PCSK6: variants seen among roughly 807,000 people sequenced by gnomAD.
PCSK6 encodes the protein proprotein convertase subtilisin/kexin type 6.
Under a neutral mutation model 123.3 loss-of-function variants are expected in PCSK6, and 85 were observed. The observed-to-expected ratio is 0.69, with a 90% confidence interval of 0.58 to 0.83. The LOEUF is 0.83. Ranked by LOEUF, PCSK6 falls within the 40% of genes least tolerant of loss-of-function variation. The pLI is 0.00. For synonymous variants in PCSK6, 508 were observed against 516.0 expected, an observed-to-expected ratio of 0.98 and a Z score of 0.21; for missense variants, 1,191 against 1,282.3, an observed-to-expected ratio of 0.93 and a Z score of 1.09.
chr15:101,348,639 C>T (rs980039918), intron 13 of PCSK6, among the ~76,000 whole-genome samples: 1 of 152,194 alleles, frequency 6.6e-6, no homozygotes, highest in Admixed American at 6.5e-5. Context: ...AATCCTGAAA[C>T]CTTTGAAACT....
intron 6 of PCSK6, among the ~76,000 whole-genome samples, chr15:101,425,787 C>T (rs74032874): frequency 7.9e-5 from 12 of 151,776 alleles, no homozygotes; most frequent in African/African-American, 2.4e-4. Context: ...AAGAGTTTGG[C>T]GATGAGTGTA....
chr15:101,449,411 C>T (rs1432264628), intron 1 of PCSK6, among the ~76,000 whole-genome samples: 1 of 151,718 alleles, frequency 6.6e-6, no homozygotes, highest in Non-Finnish European at 1.5e-5. Context: ...TGTATTCAGG[C>T]GTGTGTGTGT....
intron 6 of PCSK6, among the ~76,000 whole-genome samples, chr15:101,424,659 C>T (rs936199896): frequency 1.3e-5 from 2 of 152,136 alleles, no homozygotes; most frequent in Admixed American, 6.5e-5. Context: ...AAGTAGTTTG[C>T]GGTCAACTAC....
intron 17 of PCSK6, among the ~76,000 whole-genome samples, chr15:101,323,847 C>T (rs1448015034): frequency 6.6e-6 from 1 of 152,150 alleles, no homozygotes; most frequent in Admixed American, 6.5e-5. Flanking sequence ...GATCAATGAC[C>T]CATCCTGAGC....
chr15:101,338,719 G>A lies in PCSK6; in HGVS notation c.1859-6688C>T, dbSNP rs115801731. On this transcript the variant is annotated intron_variant, in intron 13 of 21. Transcript: ENST00000611716. Reference sequence around the variant, plus strand: ...GTTCCTTAGTTTCTAAAAGGAGGGGGTCTTAAAAGATGCCCAATCAAATTT... The same window carrying A: ...GTTCCTTAGTTTCTAAAAGGAGGGGATCTTAAAAGATGCCCAATCAAATTT... 5.5e-3 allele frequency among the ~76,000 whole-genome samples: 838 copies of A among 152,282 alleles called. 11 individuals carry two copies. Among genetic ancestry groups the A allele is most frequent in the African/African-American group, 0.019 (787 of 41,576 alleles).
intron 17 of PCSK6, among the ~76,000 whole-genome samples, chr15:101,323,908 C>G (rs2040190358): frequency 6.6e-6 from 1 of 152,146 alleles, no homozygotes; most frequent in South Asian, 2.1e-4. Flanking sequence ...CCTGGAAGAC[C>G]ACGAGTGCCA....
intron 11 of PCSK6, among the ~76,000 whole-genome samples, chr15:101,373,045 C>T (rs892407079): frequency 2.6e-5 from 4 of 152,150 alleles, no homozygotes; most frequent in Non-Finnish European, 5.9e-5. Context: ...TCACCTGCCC[C>T]GCCACTCTGA....
At chr15:101,308,604 C>A (rs983865996) in intron 20 of PCSK6, 1 of 152,094 alleles carries the variant, frequency 6.6e-6, no homozygotes, top group African/African-American at 2.4e-5. Flanking sequence ...ACCCCACAGG[C>A]AAACTCACAC....
intron 17 of PCSK6, among the ~76,000 whole-genome samples, chr15:101,323,568 T>C (rs2040180429): frequency 6.6e-6 from 1 of 151,974 alleles, no homozygotes; most frequent in African/African-American, 2.4e-5. Context: ...CCATCTCTAC[T>C]AAAAATACAA....
At chr15:101,449,469 T>C (rs2056977678) in intron 1 of PCSK6, among the ~76,000 whole-genome samples, 1 of 152,234 alleles carries the variant, frequency 6.6e-6, no homozygotes, top group African/African-American at 2.4e-5. Context: ...TGTGTGTTTA[T>C]GTAAGGTTCA....
At chr15:101,380,717 T>C (rs893067042) in intron 11 of PCSK6, among the ~76,000 whole-genome samples, 2 of 152,190 alleles carry the variant, frequency 1.3e-5, no homozygotes, top group Non-Finnish European at 2.9e-5. Context: ...ACTCCTACCA[T>C]ATGCGAGCCC....
chr15:101,325,513 C>A (rs1466303204), intron 16 of PCSK6, among the ~76,000 whole-genome samples: 1 of 152,190 alleles, frequency 6.6e-6, no homozygotes, highest in East Asian at 1.9e-4. Flanking sequence ...CACGGCCGCA[C>A]CCGTGCCTGA....
chr15:101,485,626 A>G (rs546928626), intron 1 of PCSK6, among the ~76,000 whole-genome samples: 2 of 152,272 alleles, frequency 1.3e-5, no homozygotes, highest in East Asian at 3.9e-4. Context: ...TCCCAGCACC[A>G]TTTAGTAAAT....
intron 8 of PCSK6, among the ~76,000 whole-genome samples, chr15:101,392,331 T>C (rs1302923593): frequency 6.6e-6 from 1 of 152,234 alleles, no homozygotes; most frequent in Non-Finnish European, 1.5e-5. Context: ...GACAGAACGA[T>C]GGCAGCTGAC....
chr15:101,401,220 G>A (rs994894893), intron 6 of PCSK6, among the ~76,000 whole-genome samples: 4 of 152,236 alleles, frequency 2.6e-5, no homozygotes, highest in Admixed American at 6.5e-5. Context: ...AGAGACATTC[G>A]GCAGTGTCAG....
chr15:101,430,139 T>C (rs922204025), intron 4 of PCSK6, 76 bp from the exon 5 acceptor site: 1 of 1,177,460 alleles, frequency 8.5e-7, no homozygotes, highest in Non-Finnish European at 1.3e-6. Flanking sequence ...TATGTTCCGT[T>C]GGCAAATAGA....
At chr15:101,470,157 A>G (rs2057570840) in intron 1 of PCSK6, among the ~76,000 whole-genome samples, 1 of 152,214 alleles carries the variant, frequency 6.6e-6, no homozygotes, top group South Asian at 2.1e-4. Context: ...CTGCCAGAAC[A>G]AGGCAGGCGA....
chr15:101,456,851 C>T (rs575658285), intron 1 of PCSK6, among the ~76,000 whole-genome samples: 201 of 152,316 alleles, frequency 1.3e-3, no homozygotes, highest in Middle Eastern at 6.8e-3. Context: ...CCTTGCCTTG[C>T]ATGACCAAGG....
intron 1 of PCSK6, among the ~76,000 whole-genome samples, chr15:101,466,356 A>C (rs1318174022): frequency 2.0e-5 from 3 of 152,198 alleles, no homozygotes; most frequent in Non-Finnish European, 4.4e-5. Flanking sequence ...ACGCATCATC[A>C]CAAGTGCTGA....
Sources: gnomAD v4.1 joint callset for allele counts (sites outside exome capture counted in the v4.1 genomes callset) on GRCh38, gnomAD v4.1.1 for gene constraint, MANE v1.5 for transcripts, NCBI Gene and HGNC (gene_info 2026-07-23, HGNC 2026-07-21) for gene names.